SPATA21: variants seen among roughly 807,000 people sequenced by gnomAD.
SPATA21 encodes spermatogenesis associated 21, also known as spermatogenesis-associated protein 21.
Under a neutral mutation model 54.8 loss-of-function variants are expected in SPATA21, and 47 were observed. The observed-to-expected ratio is 0.86, with a 90% CI of 0.68 to 1.09. The LOEUF (loss-of-function observed/expected upper bound fraction) is 1.09, where lower values mean the gene tolerates loss of function less well. Among genes scored for constraint, SPATA21 ranks in the 50% least tolerant of loss-of-function variants. The pLI is 0.00. For missense variants in SPATA21, 599 were observed against 596.4 expected, an observed-to-expected ratio of 1.00 and a Z score of -0.05; for synonymous variants, 245 against 235.3, an observed-to-expected ratio of 1.04 and a Z score of -0.38.
In SPATA21 at chr1:16,421,624, C is replaced by G. The variant is rs2086175019; in HGVS notation, c.96-67G>C. ...TGAAGGTTTGCCCCCCTGCCCTCCC[C>G]TCTCAGCCCCCAGGACACTCAGTTC... On this transcript the variant is annotated intron_variant, in intron 4 of 12. Transcript: ENST00000335496. This position sits in a 1 kb window ranked among gnomAD's most constrained non-coding sequence, Gnocchi z 5.2. 6.0e-6 allele frequency: 9 copies of G among 1,500,688 alleles called. No homozygotes were observed. Among genetic ancestry groups the G allele is most frequent in the Middle Eastern group, 1.9e-4 (1 of 5,350 alleles). The allele number at this position is 1,500,688 out of a possible 1,614,324, so 93.0% of individuals were successfully genotyped here.
chr1:16,407,058 C>T (rs144977109), intron 7 of SPATA21, among the ~76,000 whole-genome samples: 175 of 152,336 alleles, frequency 1.1e-3, no homozygotes, highest in Middle Eastern at 3.4e-3. Context: ...ATGGCCATGA[C>T]AACAGGGCAC....
At chr1:16,432,127 TTTTG>T (rs2086475965) in intron 2 of SPATA21, among the ~76,000 whole-genome samples, 2 of 149,332 alleles carry the variant, frequency 1.3e-5, no homozygotes, top group African/African-American at 4.9e-5. Context: ...TTTTTTTTTT[TTTTG>T]TTTGTTTTGA....
intron 7 of SPATA21, 128 bp from the exon 8 acceptor site, chr1:16,405,232 T>G: frequency 7.5e-7 from 1 of 1,334,172 alleles, no homozygotes; most frequent in East Asian, 2.7e-5. Flanking sequence ...CTGGGTGCGT[T>G]GGCTCACACC....
At position 16,400,757 on chromosome 1, in the gene SPATA21, G is replaced by A; in HGVS notation, c.1137C>T (p.Val379=). 6.2e-7 allele frequency: 1 copy of A among 1,614,180 alleles called. No homozygotes were observed. The highest frequency in any genetic ancestry group is 1.6e-4 in the Middle Eastern group (1 of 6,062). The change falls in exon 11 of 13, where the codon GTC becomes GTT. Residue 379 remains valine, a synonymous_variant. Coordinates refer to ENST00000335496, the MANE Select transcript of SPATA21 (RefSeq NM_198546.1). ...GCTTCAGCCGGCTCAGGATACTGAG[G>A]ACCTTTCGTTCTGGAACTTCTGAGC... is the stretch of plus-strand genomic sequence containing the variant. ...EESSEVPERK[V]LSILSRLKQQ... is the part of the protein sequence containing the mutation.
At position 16,403,483 on chromosome 1, in the gene SPATA21, CT is replaced by C. The variant is rs1229942098; in HGVS notation, c.1001+243del. Among the ~76,000 whole-genome samples, 237 of 117,178 alleles carry C rather than the reference CT, an allele frequency of 2.0e-3. 2 individuals are homozygous for C. Among genetic ancestry groups the C allele is most frequent in the African/African-American group, 4.1e-3 (140 of 34,384 alleles). The allele number at this position is 117,178 out of a possible 152,430, so 76.9% of individuals were successfully genotyped here. ...AAGCTAGTTTTATTCTAGTTTTTTT[CT>C]TTTTTTTCTTTTTTTTTTTTTTGAG... On this transcript the variant is annotated intron_variant, in intron 10 of 12. Transcript: ENST00000335496.
rs752021635 is a variant in SPATA21 at position 16,425,486 on chromosome 1, G to C, written c.35-3515C>G. 7 of 1,540,510 alleles carry C rather than the reference G, an allele frequency of 4.5e-6. No homozygotes were observed. The South Asian group carries it at 6.0e-5, about 13-fold the overall frequency. On this transcript the variant is annotated intron_variant, in intron 3 of 12. Coordinates refer to ENST00000335496, the MANE Select transcript of SPATA21 (RefSeq NM_198546.1). ...GGCTCTTTCACCTCCTCTGTGGTAG[G>C]TCATTCCATACCCTTCTCCCCAGAT...
At chr1:16,420,623 G>A (rs1326424544) in intron 5 of SPATA21, among the ~76,000 whole-genome samples, 1 of 152,122 alleles carries the variant, frequency 6.6e-6, no homozygotes, top group Admixed American at 6.6e-5. Flanking sequence ...ATCATGTGGT[G>A]GGGGGAGGGG....
chr1:16,430,018 A>G (rs995046809), intron 3 of SPATA21, among the ~76,000 whole-genome samples: 11 of 149,618 alleles, frequency 7.4e-5, no homozygotes, highest in Non-Finnish European at 1.5e-4. Flanking sequence ...TACAAAAAAA[A>G]TTAGACGGAA....
rs113323269 is a variant in SPATA21 at position 16,408,051 on chromosome 1, G to C, written c.673+1067C>G. Among the ~76,000 whole-genome samples, 624 of 152,306 alleles carry C rather than the reference G, an allele frequency of 4.1e-3. 1 individual carries two copies. The highest frequency in any genetic ancestry group is 0.014 in the African/African-American group (593 of 41,570). ...CAAAGTGCTGGGATTATAGGCATGAGCCACTGTGCCCAGCCCTGGTAGAGG... is the reference window on the plus strand; with the variant it reads ...CAAAGTGCTGGGATTATAGGCATGACCCACTGTGCCCAGCCCTGGTAGAGG... On this transcript the variant is annotated intron_variant, in intron 7 of 12. Coordinates refer to ENST00000335496, the MANE Select transcript of SPATA21 (RefSeq NM_198546.1).
In SPATA21 at chr1:16,409,831, C is replaced by A. The variant is rs146259783; in HGVS notation, c.357G>T (p.Pro119=). 6.3e-7 allele frequency: 1 copy of A among 1,598,952 alleles called. No individual in the cohort carries two copies. Among genetic ancestry groups the A allele is most frequent in the South Asian group, 1.1e-5 (1 of 88,536 alleles). Residue 119 remains proline (P), a synonymous_variant, in exon 6 of 13, where the codon CCG becomes CCT. Coordinates refer to ENST00000335496, the MANE Select transcript of SPATA21 (RefSeq NM_198546.1). The surrounding 1 kb of genome is among the most constrained non-coding windows in gnomAD (Gnocchi z 4.1). ...GCAGGCTTGGAGCTGAGGTGGGCAC[C>A]GGGGTCAGGGTCCTGGGCGACTTCT... is the stretch of plus-strand genomic sequence containing the variant. ...TAQKSPRTLT[P]VPTSAPSLPQ... is the part of the protein sequence containing the mutation.
chr1:16,409,148 C>T lies in SPATA21; in HGVS notation c.643G>A (p.Glu215Lys), dbSNP rs536501946. Residue 215 changes from glutamate (E) to lysine (K), a missense_variant, in exon 7 of 13, where the codon GAG becomes AAG. By Grantham distance (56) the Glu-to-Lys change is moderately conservative. Transcript: ENST00000335496. The surrounding 1 kb of genome is among the most constrained non-coding windows in gnomAD (Gnocchi z 4.1). The part of the protein sequence containing the change: ...QKLYQNREKS[E>K]EQLTLKQEEA... ...TCTTGCTTCAGGGTCAGTTGCTCCT[C>T]GGACTTCTCCCGGTTTTGATAAAGC... 7.4e-6 allele frequency: 12 copies of T among 1,613,990 alleles called. No individual in the cohort carries two copies. The Admixed American group carries it at 1.0e-4, about 13-fold the overall frequency.
At chr1:16,426,579 A>ATATATATATATATATTT (rs1401259793) in intron 3 of SPATA21, among the ~76,000 whole-genome samples, 1 of 107,154 alleles carries the variant, frequency 9.3e-6, no homozygotes, top group African/African-American at 3.8e-5. Context: ...ATATATATAT[A>ATATATATATATATATTT]TTTTTTTTTT....
At chr1:16,402,246 A>ATTTTTTTTTTTTTTTTTTTTTTT (rs780999908) in intron 10 of SPATA21, among the ~76,000 whole-genome samples, 1 of 73,392 alleles carries the variant, frequency 1.4e-5, no homozygotes, top group Admixed American at 1.8e-4. Flanking sequence ...CTGAGCTGCC[A>ATTTTTTTTTTTTTTTTTTTTTTT]TTCTTTTTTT....
intron 5 of SPATA21, among the ~76,000 whole-genome samples, chr1:16,417,618 C>T (rs1156233864): frequency 2.6e-5 from 4 of 151,156 alleles, no homozygotes; most frequent in Admixed American, 1.3e-4. Flanking sequence ...TTAGTAGAGA[C>T]GGGGTTTTTT....
chr1:16,431,471 G>A lies in SPATA21; in HGVS notation c.-51-49C>T, dbSNP rs1232278362. On this transcript the variant is annotated intron_variant, in intron 2 of 12. Transcript: ENST00000335496. ...GTCCCACCAAGCCCATCACCTAACTGCTGCTTCAGGAGCCCACTTGGAGCC... is the reference window on the plus strand; with the variant it reads ...GTCCCACCAAGCCCATCACCTAACTACTGCTTCAGGAGCCCACTTGGAGCC... The A allele has an allele frequency of 1.6e-5, 24 of 1,539,030 alleles. No individual in the cohort carries two copies. In the Admixed American group the frequency reaches 4.1e-4, roughly 26 times the overall value.
chr1:16,400,711 G>A lies in SPATA21; in HGVS notation c.1174+9C>T. ...CCCTAGCCCATCCCACCCTGCCCAG[G>A]GCCCTCACCATAGTTCTGCTGCTTC... On this transcript the variant is annotated intron_variant, in intron 11 of 12. Transcript: ENST00000335496. 1 of 1,609,468 alleles carries A rather than the reference G, an allele frequency of 6.2e-7. No homozygotes were observed. The highest frequency in any genetic ancestry group is 8.5e-7 in the Non-Finnish European group (1 of 1,176,956).
In SPATA21 at chr1:16,417,546, C is replaced by A. The variant is rs185065229; in HGVS notation, c.144+3963G>T. ...CTCTGCCTCCCAGGTTCAAGCGATT[C>A]TCTCTTGAATAGCTGGGATTACAGG... On this transcript the variant is annotated intron_variant, in intron 5 of 12. Transcript: ENST00000335496. 3.0e-3 allele frequency among the ~76,000 whole-genome samples: 450 copies of A among 151,244 alleles called. 1 individual carries two copies. The highest frequency in any genetic ancestry group is 0.01 in the African/African-American group (429 of 41,134).
In SPATA21 at chr1:16,404,960, C is replaced by A. The variant is rs368204138; in HGVS notation, c.811+7G>T. 7.0e-6 allele frequency: 11 copies of A among 1,563,128 alleles called. No individual in the cohort carries two copies. The South Asian group carries it at 1.2e-4, about 17-fold the overall frequency. On this transcript the variant is annotated splice_region_variant and intron_variant, in intron 8 of 12. Coordinates refer to ENST00000335496, the MANE Select transcript of SPATA21 (RefSeq NM_198546.1). The stretch of plus-strand genomic sequence containing the variant: ...TGGGATGCAGAGTGGAGCCCTCTGC[C>A]ACTCACCATTGACATCAGCACTCAT...
chr1:16,429,201 C>T (rs2086395519), intron 3 of SPATA21, among the ~76,000 whole-genome samples: 1 of 148,100 alleles, frequency 6.8e-6, no homozygotes, highest in Non-Finnish European at 1.5e-5. Context: ...CGGGGTCTCG[C>T]TATATTGCCC....
Sources: allele counts gnomAD v4.1 joint callset (sites outside exome capture counted in the v4.1 genomes callset), GRCh38; gene constraint gnomAD v4.1.1; non-coding constraint Gnocchi (gnomAD v3.1); transcripts MANE v1.5; gene names NCBI Gene and HGNC (gene_info 2026-07-23, HGNC 2026-07-21).